Variants in PDE3B observed in about 807,000 individuals in gnomAD.
PDE3B encodes the protein cGMP-inhibited 3',5'-cyclic phosphodiesterase 3B.
A neutral mutation model predicts 116.8 loss-of-function variants in PDE3B; 66 were observed. That is an observed-to-expected ratio of 0.56 (90% CI 0.46 to 0.69). PDE3B has a LOEUF of 0.69. Ranked by LOEUF, PDE3B falls within the 30% of genes least tolerant of loss-of-function variation. The pLI is 0.00. For synonymous variants in PDE3B, 595 were observed against 533.6 expected (o/e 1.12, Z -1.59); for missense variants, 1,384 against 1,368.1 (o/e 1.01, Z -0.18).
intron 13 of PDE3B, among the ~76,000 whole-genome samples, chr11:14,859,998 C>T (rs1028130224): frequency 3.9e-5 from 6 of 152,108 alleles, no homozygotes; most frequent in African/African-American, 2.4e-5. Flanking sequence ...GAAGCTGTAC[C>T]TGCAGGGTAG....
the PDE3B span, among the ~76,000 whole-genome samples, chr11:14,883,742 C>T: frequency 4.6e-5 from 7 of 152,052 alleles, no homozygotes; most frequent in Non-Finnish European, 1.0e-4. Context: ...TCAGAGTGAA[C>T]AGGCAACCTA....
chr11:14,644,275 A>C lies in PDE3B; in HGVS notation c.200A>C (p.Gln67Pro). The change falls in exon 1 of 16, where the codon CAG (glutamine) becomes CCG (proline). Residue 67 changes from glutamine to proline, a missense_variant. Around this residue, in one of 2 missense-constraint regions of PDE3B, gnomAD observed 956 missense variants for 806.8 expected, o/e 1.18. Coordinates refer to ENST00000282096, the MANE Select transcript of PDE3B (RefSeq NM_000922.4). ...CTGCGGCCGCCGCCGGCCTCTCCCC[A>C]GCAGCCGCGGCGCTGCTCCCCCTTC... ...VELRPPPASP[Q>P]QPRRCSPFCR... is the part of the protein sequence containing the mutation. The C allele has an allele frequency of 6.4e-7, 1 of 1,566,094 alleles. No homozygotes were observed. Among genetic ancestry groups the C allele is most frequent in the Non-Finnish European group, 8.6e-7 (1 of 1,163,140 alleles).
chr11:14,843,475 C>A (rs1019315657), intron 11 of PDE3B, among the ~76,000 whole-genome samples: 12 of 151,976 alleles, frequency 7.9e-5, no homozygotes, highest in African/African-American at 9.7e-5. Flanking sequence ...TTGCCTTTTT[C>A]TGTTATATCA....
intron 1 of PDE3B, among the ~76,000 whole-genome samples, chr11:14,662,011 G>A (rs111875322): frequency 6.6e-6 from 1 of 152,128 alleles, no homozygotes. Flanking sequence ...TCCTCAAGTG[G>A]GTCCCTGACC....
At chr11:14,892,040 C>T in the PDE3B span, 1 of 1,613,216 alleles carries the variant, frequency 6.2e-7, no homozygotes, top group Non-Finnish European at 8.5e-7. Flanking sequence ...GATGAGGCTG[C>T]CAGGGAATAG....
chr11:14,791,140 C>T (rs890544714), intron 4 of PDE3B, among the ~76,000 whole-genome samples: 1 of 152,066 alleles, frequency 6.6e-6, no homozygotes, highest in Non-Finnish European at 1.5e-5. Context: ...TAGTGCAGCT[C>T]TAGATCTTTA....
chr11:14,858,909 G>A, intron 12 of PDE3B, 134 bp from the exon 13 acceptor site: 1 of 579,756 alleles, frequency 1.7e-6, no homozygotes, highest in Non-Finnish European at 3.0e-6. Flanking sequence ...TATTTTCACA[G>A]GTACTAAAAT....
intron 12 of PDE3B, among the ~76,000 whole-genome samples, chr11:14,847,632 G>A (rs971789537): frequency 2.0e-5 from 3 of 151,950 alleles, no homozygotes; most frequent in Admixed American, 6.6e-5. Context: ...TCAAATAGAC[G>A]CAATAAAAAA....
chr11:14,650,911 C>G (rs755236185), intron 1 of PDE3B, among the ~76,000 whole-genome samples: 3 of 151,796 alleles, frequency 2.0e-5, no homozygotes, highest in Non-Finnish European at 4.4e-5. Flanking sequence ...CTTAGTGAGA[C>G]CTATATCAGA....
chr11:14,752,892 A>T (rs1326515659), intron 1 of PDE3B, among the ~76,000 whole-genome samples: 1 of 152,014 alleles, frequency 6.6e-6, no homozygotes, highest in Non-Finnish European at 1.5e-5. Context: ...TTCTAGTATA[A>T]TCTGTTGACT....
intron 1 of PDE3B, among the ~76,000 whole-genome samples, chr11:14,764,616 G>T (rs953372044): frequency 1.3e-5 from 2 of 152,044 alleles, no homozygotes; most frequent in Non-Finnish European, 2.9e-5. Flanking sequence ...CTAGATTTAA[G>T]TTCTGTCCGT....
intron 1 of PDE3B, among the ~76,000 whole-genome samples, chr11:14,745,017 G>T (rs901250996): frequency 6.6e-6 from 1 of 151,932 alleles, no homozygotes; most frequent in Non-Finnish European, 1.5e-5. Context: ...TAGAGACAGG[G>T]TCTCTCTATG....
chr11:14,687,098 C>G (rs1010954000), intron 1 of PDE3B, among the ~76,000 whole-genome samples: 1 of 152,120 alleles, frequency 6.6e-6, no homozygotes, highest in African/African-American at 2.4e-5. Context: ...TTTTATTAAA[C>G]TTGACGAAAA....
At position 14,734,472 on chromosome 11, in the gene PDE3B, C is replaced by T. The variant is rs112324178; in HGVS notation, c.979-37465C>T. Among the ~76,000 whole-genome samples the T allele has an allele frequency of 5.0e-3, 763 of 152,264 alleles. 10 individuals are homozygous for T. The highest frequency in any genetic ancestry group is 0.018 in the African/African-American group (739 of 41,550). ...AAGTAAATGTCCTTTGCAGTAGTGA[C>T]ACTTTTTCTTTCTTTTCAATCTAAG... On this transcript the variant is annotated intron_variant, in intron 1 of 15. Coordinates refer to ENST00000282096, the MANE Select transcript of PDE3B (RefSeq NM_000922.4).
intron 1 of PDE3B, among the ~76,000 whole-genome samples, chr11:14,767,843 T>C (rs1258285100): frequency 1.3e-5 from 2 of 151,452 alleles, no homozygotes; most frequent in Non-Finnish European, 3.0e-5. Context: ...AAATAATGGC[T>C]AATATTCTAT....
At position 14,867,545 on chromosome 11, in the gene PDE3B, T is replaced by C; in HGVS notation, c.2926T>C (p.Phe976Leu). The change falls in exon 15 of 16, where the codon TTC becomes CTC. Residue 976 changes from phenylalanine (F) to leucine (L), a missense_variant. By Grantham distance (22) the Phe-to-Leu change is conservative. This residue lies in a region of PDE3B where 428 missense variants were observed against 561.4 expected (regional missense o/e 0.76). Transcript: ENST00000282096. Reference protein sequence around the residue: ...EANLGLPISPFMDRSSPQLAK... With the variant: ...EANLGLPISPLMDRSSPQLAK... The stretch of plus-strand genomic sequence containing the variant: ...AAATCTTGGTCTGCCCATCAGTCCA[T>C]TCATGGATCGTTCTTCTCCTCAACT... The C allele has an allele frequency of 1.2e-6, 2 of 1,614,048 alleles. No individual in the cohort carries two copies. The highest frequency in any genetic ancestry group is 1.7e-6 in the Non-Finnish European group (2 of 1,179,912).
intron 2 of PDE3B, chr11:14,774,773 C>T (rs1017364411): frequency 3.9e-5 from 6 of 152,176 alleles, no homozygotes; most frequent in African/African-American, 1.4e-4. Context: ...GCTCATTTCT[C>T]TCGTTTCACC....
At chr11:14,674,626 G>A (rs1398538169) in intron 1 of PDE3B, 1 of 299,200 alleles carries the variant, frequency 3.3e-6, no homozygotes, top group Non-Finnish European at 6.6e-6. Flanking sequence ...TTGATTTTCA[G>A]CTAACAATCT....
chr11:14,804,995 C>G (rs1185018106), intron 5 of PDE3B, among the ~76,000 whole-genome samples: 1 of 151,940 alleles, frequency 6.6e-6, no homozygotes, highest in African/African-American at 2.4e-5. Context: ...AGGAAAAATA[C>G]ATAAATAACA....
Sources: allele counts gnomAD v4.1 joint callset (sites outside exome capture counted in the v4.1 genomes callset), GRCh38; gene constraint gnomAD v4.1.1; regional missense constraint gnomAD v4.1.1; transcripts MANE v1.5; gene names NCBI Gene and HGNC (gene_info 2026-07-23, HGNC 2026-07-21).